FARP1: variants seen among roughly 807,000 people sequenced by gnomAD.
FARP1 encodes the protein FERM, ARHGEF and pleckstrin domain-containing protein 1.
In FARP1, 52 loss-of-function variants were observed where a neutral mutation model predicts 128.8. The ratio of observed to expected loss-of-function variants is 0.40; its 90% CI spans 0.32 to 0.51. FARP1 has a LOEUF of 0.51. Ranked by LOEUF, FARP1 falls within the 20% of genes least tolerant of loss-of-function variation. The pLI, the probability that FARP1 is intolerant of heterozygous loss-of-function variation, is 0.45. For missense variants in FARP1, 1,333 were observed against 1,367.9 expected (o/e 0.97, Z 0.40); for synonymous variants, 580 against 551.8 (o/e 1.05, Z -0.72).
intron 2 of FARP1, among the ~76,000 whole-genome samples, chr13:98,232,117 AC>A (rs1172909661): frequency 2.9e-5 from 4 of 137,184 alleles, no homozygotes; most frequent in Admixed American, 7.5e-5. Context: ...GGCATGAGCC[AC>A]CGTGCCCGGC....
At chr13:98,448,139 G>T in intron 26 of FARP1, 97 bp from the exon 27 acceptor site, 10 of 1,020,626 alleles carry the variant, frequency 9.8e-6, no homozygotes, top group Non-Finnish European at 1.5e-5. Flanking sequence ...CAACCAGGCG[G>T]CCTGACTTCA....
chr13:98,284,463 C>T (rs1266161656), intron 2 of FARP1, among the ~76,000 whole-genome samples: 2 of 152,180 alleles, frequency 1.3e-5, no homozygotes, highest in Non-Finnish European at 2.9e-5. Context: ...AAGTGTTCCC[C>T]CAACCCGAGA....
At chr13:98,240,801 A>T (rs1487885353) in intron 2 of FARP1, among the ~76,000 whole-genome samples, 1 of 152,212 alleles carries the variant, frequency 6.6e-6, no homozygotes, top group African/African-American at 2.4e-5. Flanking sequence ...CATCGTGAAC[A>T]TCTTAGGATG....
At position 98,452,176 on chromosome 13, in the gene FARP1, TTA is replaced by T. The variant is rs1181498637; in HGVS notation, c.*3861_*3862del. 2 of 152,120 alleles carry T rather than the reference TTA, an allele frequency of 1.3e-5. No individual in the cohort carries two copies. The highest frequency in any genetic ancestry group is 2.9e-5 in the Non-Finnish European group (2 of 68,034). 9.4% of individuals were successfully genotyped at this position (152,120 alleles called of 1,614,324 possible). On this transcript the variant is annotated 3_prime_UTR_variant, in exon 27 of 27. Transcript: ENST00000319562. ...ATGCAAAATAAGCGTGTTATAAAAT[TTA>T]TTTGTGTAAGCATTCAGACATTTTT...
intron 2 of FARP1, chr13:98,338,931 C>T (rs1483827369): frequency 1.3e-5 from 2 of 152,178 alleles, no homozygotes; most frequent in Non-Finnish European, 2.9e-5. Context: ...CCTCTCTTCT[C>T]CGAGAAGCTT....
At chr13:98,166,553 G>T (rs1390560424) in intron 1 of FARP1, among the ~76,000 whole-genome samples, 2 of 152,024 alleles carry the variant, frequency 1.3e-5, no homozygotes, top group Non-Finnish European at 2.9e-5. Context: ...GAAGTAACTT[G>T]CCCAAGGTTC....
chr13:98,444,529 G>A (rs1054422320), intron 24 of FARP1, among the ~76,000 whole-genome samples: 6 of 152,244 alleles, frequency 3.9e-5, no homozygotes, highest in Non-Finnish European at 8.8e-5. Flanking sequence ...GTGCAGGGCA[G>A]GAGACTCATG....
At chr13:98,159,324 A>C (rs1876708077) in intron 1 of FARP1, among the ~76,000 whole-genome samples, 1 of 152,200 alleles carries the variant, frequency 6.6e-6, no homozygotes, top group Non-Finnish European at 1.5e-5. Flanking sequence ...ACAGCTAATA[A>C]GTGAAGTCAG....
intron 1 of FARP1, among the ~76,000 whole-genome samples, chr13:98,152,898 C>T (rs528850193): frequency 6.6e-6 from 1 of 152,146 alleles, no homozygotes; most frequent in African/African-American, 2.4e-5. Flanking sequence ...GCTGGCCTTG[C>T]AGGGCATCTG....
intron 13 of FARP1, chr13:98,398,317 GC>G (rs1413047545): frequency 2.0e-5 from 3 of 152,170 alleles, no homozygotes; most frequent in African/African-American, 7.2e-5. Context: ...TTTACGCCTT[GC>G]TTTGAATTTA....
chr13:98,270,028 C>T (rs1358838669), intron 2 of FARP1, among the ~76,000 whole-genome samples: 3 of 152,180 alleles, frequency 2.0e-5, no homozygotes, highest in Non-Finnish European at 2.9e-5. Context: ...TCACTTGAAC[C>T]TGAGAGGCGG....
intron 11 of FARP1, among the ~76,000 whole-genome samples, chr13:98,392,442 G>A (rs1458106117): frequency 1.3e-5 from 2 of 150,952 alleles, no homozygotes; most frequent in African/African-American, 4.9e-5. Flanking sequence ...CAAGGCTGCA[G>A]TGAGCCAAGA....
intron 2 of FARP1, among the ~76,000 whole-genome samples, chr13:98,302,324 T>G (rs964458522): frequency 1.3e-5 from 2 of 152,226 alleles, no homozygotes; most frequent in African/African-American, 4.8e-5. Flanking sequence ...AAAAATTCTT[T>G]TCTAGCTCAC....
intron 1 of FARP1, among the ~76,000 whole-genome samples, chr13:98,168,182 AAT>A (rs1444501924): frequency 1.3e-5 from 2 of 150,800 alleles, no homozygotes; most frequent in African/African-American, 4.9e-5. Context: ...AAAAAAAAAA[AAT>A]AAAATAAATA....
At chr13:98,417,207 C>A (rs1167250402) in intron 16 of FARP1, among the ~76,000 whole-genome samples, 1 of 151,794 alleles carries the variant, frequency 6.6e-6, no homozygotes, top group Non-Finnish European at 1.5e-5. Context: ...TTTTGAGGGC[C>A]CTGTGATAAA....
At chr13:98,371,223 T>TTG (rs1271820554) in intron 5 of FARP1, among the ~76,000 whole-genome samples, 1 of 146,760 alleles carries the variant, frequency 6.8e-6, no homozygotes, top group Non-Finnish European at 1.5e-5. Flanking sequence ...CCCCCGTTTT[T>TTG]TTTTTTTTTT....
In FARP1 at chr13:98,453,032, T is replaced by C; in HGVS notation, c.*4715T>C. On this transcript the variant is annotated 3_prime_UTR_variant, in exon 27 of 27. Transcript: ENST00000319562. ...GCACAGTGAAGACTGTGTGTGTCCC[T>C]GGACGGGCGCCTGGCGCTGGGGTGG... 1 of 869,854 alleles carries C rather than the reference T, an allele frequency of 1.1e-6. No individual in the cohort carries two copies. The highest frequency in any genetic ancestry group is 1.6e-5 in the South Asian group (1 of 60,644). 53.9% of individuals were successfully genotyped at this position (869,854 alleles called of 1,614,324 possible).
chr13:98,397,553 C>G (rs1452877753), intron 13 of FARP1: 1 of 152,220 alleles, frequency 6.6e-6, no homozygotes, highest in African/African-American at 2.4e-5. Context: ...CTGCCTTTCA[C>G]CCAGCATTCC....
intron 1 of FARP1, among the ~76,000 whole-genome samples, chr13:98,205,784 G>A (rs1880232071): frequency 6.6e-6 from 1 of 152,034 alleles, no homozygotes; most frequent in Admixed American, 6.5e-5. Flanking sequence ...CCTTTTAGCT[G>A]CTTCCCATTT....
Sources: gnomAD v4.1 joint callset for allele counts (sites outside exome capture counted in the v4.1 genomes callset) on GRCh38, gnomAD v4.1.1 for gene constraint, MANE v1.5 for transcripts, NCBI Gene and HGNC (gene_info 2026-07-23, HGNC 2026-07-21) for gene names.